GTPBP4: variants seen among roughly 807,000 people sequenced by gnomAD.
GTPBP4 encodes GTP binding protein 4, also known as GTP-binding protein 4.
In GTPBP4, 15 loss-of-function variants were observed where a neutral mutation model predicts 81.7. The observed-to-expected ratio is 0.18, with a 90% CI of 0.12 to 0.28. GTPBP4 has a LOEUF of 0.28. GTPBP4 is among the 10% of genes least tolerant of loss of function. GTPBP4 has a pLI of 1.00. For synonymous variants in GTPBP4, 272 were observed against 274.6 expected (o/e 0.99, Z 0.09); for missense variants, 847 against 793.8 (o/e 1.07, Z -0.81).
intron 13 of GTPBP4, among the ~76,000 whole-genome samples, 192 bp downstream of exon 13, chr10:1,010,712 C>CTA (rs1230978751): frequency 6.9e-6 from 1 of 145,282 alleles, no homozygotes; most frequent in Non-Finnish European, 1.5e-5. Flanking sequence ...CTGGGCTCTG[C>CTA]TATGCTGGCC....
At chr10:990,700 C>G (rs1478366411) in intron 1 of GTPBP4, among the ~76,000 whole-genome samples, 4 of 128,546 alleles carry the variant, frequency 3.1e-5, no homozygotes, top group Admixed American at 9.2e-5. Context: ...TGCACTCCAG[C>G]CTGGGCAACA....
chr10:1,012,686 A>G (rs369137314), intron 14 of GTPBP4, 24 bp downstream of exon 14: 24 of 1,558,720 alleles, frequency 1.5e-5, no homozygotes, highest in Non-Finnish European at 1.9e-5. Flanking sequence ...TTTCCAAAGC[A>G]GTGTGATCTA....
chr10:1,015,992 A>G, intron 16 of GTPBP4, 96 bp downstream of exon 16: 1 of 1,112,502 alleles, frequency 9.0e-7, no homozygotes, highest in Non-Finnish European at 1.3e-6. Context: ...ATTTGCAGGA[A>G]CTATGGCAGG....
At chr10:1,008,730 A>G (rs1282397986) in intron 10 of GTPBP4, among the ~76,000 whole-genome samples, 1 of 152,012 alleles carries the variant, frequency 6.6e-6, no homozygotes, top group Non-Finnish European at 1.5e-5. Flanking sequence ...CTCTGTGCTC[A>G]AAGTGACCCT....
intron 1 of GTPBP4, chr10:988,883 C>T (rs974892789): frequency 1.3e-5 from 3 of 239,764 alleles, no homozygotes; most frequent in African/African-American, 2.3e-5. Flanking sequence ...GGAAGCGTTC[C>T]GTGGTCCGTG....
chr10:994,854 T>C (rs1460477439), intron 2 of GTPBP4, among the ~76,000 whole-genome samples: 1 of 152,242 alleles, frequency 6.6e-6, no homozygotes, highest in Non-Finnish European at 1.5e-5. Context: ...GGTACTGTTC[T>C]GAGTCCTAGG....
intron 11 of GTPBP4, 122 bp downstream of exon 11, chr10:1,009,157 T>C: frequency 2.9e-6 from 2 of 692,658 alleles, no homozygotes; most frequent in Non-Finnish European, 5.0e-6. Context: ...CCCGTCAGGC[T>C]GCGGACACAG....
chr10:1,015,128 CTTT>C (rs1467309730), intron 15 of GTPBP4, among the ~76,000 whole-genome samples: 3 of 149,598 alleles, frequency 2.0e-5, no homozygotes, highest in African/African-American at 7.7e-5. Context: ...TTCTAAGTTT[CTTT>C]AAGTGGAGTT....
chr10:993,401 T>C (rs1354301568), intron 2 of GTPBP4, among the ~76,000 whole-genome samples: 1 of 152,014 alleles, frequency 6.6e-6, no homozygotes, highest in Non-Finnish European at 1.5e-5. Context: ...TACAGGTGCA[T>C]AACCACGCCT....
At chr10:1,016,999 A>T in intron 16 of GTPBP4, 76 bp from the exon 17 acceptor site, 1 of 1,191,184 alleles carries the variant, frequency 8.4e-7, no homozygotes, top group South Asian at 1.4e-5. Flanking sequence ...ACAGATTGTT[A>T]CCCAGTAGTT....
chr10:1,016,746 T>G (rs141435610), intron 16 of GTPBP4, among the ~76,000 whole-genome samples: 18 of 152,268 alleles, frequency 1.2e-4, no homozygotes, highest in African/African-American at 3.9e-4. Context: ...AAATACTCAT[T>G]GAGTTCCTGC....
intron 10 of GTPBP4, chr10:1,008,122 A>G (rs781429715): frequency 5.5e-5 from 25 of 454,652 alleles, no homozygotes; most frequent in African/African-American, 4.0e-4. Context: ...TTTTAAAAGT[A>G]TCTTTTCTTG....
At chr10:995,820 G>A in intron 2 of GTPBP4, 109 bp from the exon 3 acceptor site, 7 of 660,728 alleles carry the variant, frequency 1.1e-5, no homozygotes. Context: ...GGGAACTGGG[G>A]AGGAGACACT....
At chr10:1,015,692 ACTGAGCCT>A (rs1831974901) in intron 15 of GTPBP4, 53 bp from the exon 16 acceptor site, 5 of 234 alleles carry the variant, frequency 0.021, 1 homozygote, top group Admixed American at 0.056. Context: ...AGCGCTGAGC[ACTGAGCCT>A]GGGAGTGGAC....
In GTPBP4 at chr10:993,908, C is replaced by T. The variant is rs542256217; in HGVS notation, c.219+1249C>T. On this transcript the variant is annotated intron_variant, in intron 2 of 16. Transcript: ENST00000360803. ...CCAAGTAGCTGGGATTACAGGTGCCCGCCACCACGCCCGGCTAGTTTTGTA... is the reference window on the plus strand; with the variant it reads ...CCAAGTAGCTGGGATTACAGGTGCCTGCCACCACGCCCGGCTAGTTTTGTA... 8.7e-5 allele frequency among the ~76,000 whole-genome samples: 13 copies of T among 149,030 alleles called. No individual in the cohort carries two copies. In the East Asian group the frequency reaches 2.5e-3, roughly 28 times the overall value.
chr10:1,019,394 A>T lies in GTPBP4; in HGVS notation c.*2167A>T. 1.5e-6 allele frequency: 1 copy of T among 659,908 alleles called. No individual in the cohort carries two copies. Among genetic ancestry groups the T allele is most frequent in the Non-Finnish European group, 2.6e-6 (1 of 389,362 alleles). The allele number at this position is 659,908 out of a possible 1,614,324, so 40.9% of individuals were successfully genotyped here. ...GATGAAAAGGTTGAAATAGTGATTT[A>T]TACATGATGGGCAATCAAGTGCCCC... On this transcript the variant is annotated 3_prime_UTR_variant, in exon 17 of 17. Coordinates refer to ENST00000360803, the MANE Select transcript of GTPBP4 (RefSeq NM_012341.3).
chr10:994,267 T>C (rs1290060538), intron 2 of GTPBP4, among the ~76,000 whole-genome samples: 1 of 151,404 alleles, frequency 6.6e-6, no homozygotes, highest in Non-Finnish European at 1.5e-5. Flanking sequence ...TTTGTTTGTT[T>C]GTTTGTTTGT....
intron 15 of GTPBP4, among the ~76,000 whole-genome samples, chr10:1,015,134 G>A (rs1293558843): frequency 1.3e-5 from 2 of 152,204 alleles, no homozygotes; most frequent in African/African-American, 2.4e-5. Flanking sequence ...GTTTCTTTAA[G>A]TGGAGTTAAA....
intron 9 of GTPBP4, 25 bp from the exon 10 acceptor site, chr10:1,006,993 T>C (rs372240387): frequency 1.9e-5 from 27 of 1,428,810 alleles, no homozygotes; most frequent in Non-Finnish European, 2.6e-5. Context: ...CGTTTGTGAC[T>C]GTGCCTTCTT....
Sources: gnomAD v4.1 joint callset for allele counts (sites outside exome capture counted in the v4.1 genomes callset) on GRCh38, gnomAD v4.1.1 for gene constraint, MANE v1.5 for transcripts, NCBI Gene and HGNC (gene_info 2026-07-23, HGNC 2026-07-21) for gene names.